The following FANCM variants were observed in gnomAD, a reference collection of about 807,000 sequenced individuals.
FANCM encodes Fanconi anemia group M protein.
FANCM carries 140 observed loss-of-function variants against 199.5 expected under a neutral mutation model. The ratio of observed to expected loss-of-function variants is 0.70; its 90% CI spans 0.61 to 0.81. The LOEUF (loss-of-function observed/expected upper bound fraction) is 0.81, where lower values mean the gene tolerates loss of function less well. Among genes scored for constraint, FANCM ranks in the 30% least tolerant of loss-of-function variants. The pLI, the probability that FANCM is intolerant of heterozygous loss-of-function variation, is 0.00. For missense variants in FANCM, 2,410 were observed against 2,421.4 expected (o/e 1.00, Z 0.10); for synonymous variants, 840 against 836.8 (o/e 1.00, Z -0.07).
intron 2 of FANCM, among the ~76,000 whole-genome samples, chr14:45,139,703 C>T (rs372644834): frequency 1.3e-5 from 2 of 152,142 alleles, no homozygotes; most frequent in Non-Finnish European, 2.9e-5. Flanking sequence ...GTGAGCTGGG[C>T]GCAGTGGCTT....
intron 10 of FANCM, among the ~76,000 whole-genome samples, chr14:45,166,377 T>TG (rs1887978368): frequency 6.6e-6 from 1 of 152,028 alleles, no homozygotes; most frequent in Admixed American, 6.6e-5. Context: ...GACCTCGTGA[T>TG]CTGCCCGCCT....
At chr14:45,179,521 G>A (rs1888925452) in intron 14 of FANCM, among the ~76,000 whole-genome samples, 1 of 150,324 alleles carries the variant, frequency 6.7e-6, no homozygotes, top group African/African-American at 2.4e-5. Context: ...GTCTTAGCTA[G>A]ATCACCTCTC....
At chr14:45,137,285 T>TTA (rs748275803) in intron 2 of FANCM, 44 bp downstream of exon 2, 1 of 1,552,740 alleles carries the variant, frequency 6.4e-7, no homozygotes, top group Non-Finnish European at 8.8e-7. Flanking sequence ...AACTGTACTG[T>TTA]TAAAGAGAAT....
Position 45,155,366 on chromosome 14 carries a change from G to C in FANCM, c.1310-7G>C, listed in dbSNP as rs2139173742. 2.5e-6 allele frequency: 3 copies of C among 1,204,698 alleles called. No individual in the cohort carries two copies. The highest frequency in any genetic ancestry group is 1.2e-5 in the South Asian group (1 of 81,228). The allele number at this position is 1,204,698 out of a possible 1,614,324, so 74.6% of individuals were successfully genotyped here. On this transcript the variant is annotated splice_polypyrimidine_tract_variant and splice_region_variant and intron_variant, in intron 7 of 22. Coordinates refer to ENST00000267430, the MANE Select transcript of FANCM (RefSeq NM_020937.4). ...AAAAAAATTTTGATATTTTTGTTTT[G>C]TTCCAGGAGATAAAAATAAAAAATT...
In FANCM at chr14:45,176,048, T is replaced by C; in HGVS notation, c.3294T>C (p.Asn1098=). ...AAAATGAAAATTTAGTACCTAACAA[T>C]CGTGTTCAAATACACAGAAGCCCTG... The part of the protein sequence containing the change: ...HNQNENLVPN[N]RVQIHRSPAQ... Residue 1098 remains asparagine, a synonymous_variant, in exon 14 of 23, where the codon AAT becomes AAC. Transcript: ENST00000267430. The C allele has an allele frequency of 6.2e-7, 1 of 1,614,048 alleles. No individual in the cohort carries two copies. Among genetic ancestry groups the C allele is most frequent in the Non-Finnish European group, 8.5e-7 (1 of 1,179,940 alleles).
chr14:45,146,998 T>C (rs191552336), intron 3 of FANCM, among the ~76,000 whole-genome samples: 1 of 152,166 alleles, frequency 6.6e-6, no homozygotes, highest in Non-Finnish European at 1.5e-5. Context: ...CAGTAAAATA[T>C]CAGCTACATG....
At chr14:45,149,804 TACAACA>T (rs147416320) in intron 4 of FANCM, among the ~76,000 whole-genome samples, 4 of 151,644 alleles carry the variant, frequency 2.6e-5, no homozygotes, top group East Asian at 1.9e-4. Context: ...TTTTGGTTCT[TACAACA>T]ACAACAACAA....
At chr14:45,147,988 G>C (rs1239805528) in intron 3 of FANCM, among the ~76,000 whole-genome samples, 2 of 151,902 alleles carry the variant, frequency 1.3e-5, no homozygotes, top group African/African-American at 4.8e-5. Context: ...ATGAGGTCAG[G>C]AGTTCGAGAC....
Position 45,146,072 on chromosome 14 carries a change from G to GA in FANCM, c.760-2755dup, listed in dbSNP as rs201857804. On this transcript the variant is annotated intron_variant, in intron 3 of 22. Coordinates refer to ENST00000267430, the MANE Select transcript of FANCM (RefSeq NM_020937.4). ...AGACTCCGTCTCAAAAAAAAAAAAA[G>GA]AAAAAAAAAATACAAAATATTAGCC... Among the ~76,000 whole-genome samples the GA allele has an allele frequency of 1.7e-3, 197 of 118,230 alleles. 1 individual carries two copies. The highest frequency in any genetic ancestry group is 5.7e-3 in the Middle Eastern group (1 of 176). The allele number at this position is 118,230 out of a possible 152,430, so 77.6% of individuals were successfully genotyped here.
Position 45,140,705 on chromosome 14 carries a change from T to C in FANCM, c.755T>C (p.Ile252Thr), listed in dbSNP as rs1885855162. The C allele has an allele frequency of 1.9e-6, 3 of 1,567,286 alleles. No individual in the cohort carries two copies. The highest frequency in any genetic ancestry group is 1.4e-5 in the African/African-American group (1 of 73,938). The change falls in exon 3 of 23, where the codon ATA (isoleucine) becomes ACA (threonine). Residue 252 changes from isoleucine to threonine, a missense_variant. Physicochemically the swap from Ile to Thr is moderately conservative, Grantham distance 89. Coordinates refer to ENST00000267430, the MANE Select transcript of FANCM (RefSeq NM_020937.4). ...CTAAGTGCCACACCAGGTAGTGATA[T>C]AAAGGTAAGTAAAATGTTTTTCCAT... ...LALSATPGSD[I>T]KAVQQVITNL...
intron 9 of FANCM, among the ~76,000 whole-genome samples, chr14:45,160,719 T>A (rs1393398843): frequency 6.6e-6 from 1 of 152,032 alleles, no homozygotes; most frequent in East Asian, 1.9e-4. Flanking sequence ...TTTTTTGTAT[T>A]TTTAATAGAG....
chr14:45,188,222 C>G (rs1889529914), intron 19 of FANCM, among the ~76,000 whole-genome samples: 1 of 152,122 alleles, frequency 6.6e-6, no homozygotes, highest in African/African-American at 2.4e-5. Flanking sequence ...GCCTGTAATC[C>G]CAGCTACTTG....
chr14:45,176,342 TG>T lies in FANCM; in HGVS notation c.3589del (p.Asp1197MetfsTer18). ...CTGAACTCCAAGATCAAATCACCCGTGATGCTAATAGTTTTAAATCTCGTGA... is the reference window on the plus strand; with the variant it reads ...CTGAACTCCAAGATCAAATCACCCGTATGCTAATAGTTTTAAATCTCGTGA... Reference protein sequence around the residue: ...NSELQDQITRDANSFKSRDQR... With the variant: ...NSELQDQITRXANSFKSRDQR... On this transcript the variant is annotated frameshift_variant, in exon 14 of 23. Coordinates refer to ENST00000267430, the MANE Select transcript of FANCM (RefSeq NM_020937.4). LOFTEE classifies it high-confidence loss of function. 1.9e-6 allele frequency: 3 copies of T among 1,613,762 alleles called. No homozygotes were observed. The highest frequency in any genetic ancestry group is 2.5e-6 in the Non-Finnish European group (3 of 1,179,948).
At chr14:45,149,782 G>T (rs1886688693) in intron 4 of FANCM, among the ~76,000 whole-genome samples, 1 of 151,936 alleles carries the variant, frequency 6.6e-6, no homozygotes, top group African/African-American at 2.4e-5. Flanking sequence ...ATTTGGCAAT[G>T]ACTTGACACA....
At chr14:45,197,698 C>T (rs1364299076) in intron 21 of FANCM, among the ~76,000 whole-genome samples, 11 of 151,658 alleles carry the variant, frequency 7.3e-5, no homozygotes, top group Non-Finnish European at 1.5e-4. Context: ...CTCTTGACCT[C>T]AGGTGATCTG....
rs767460107 is a variant in FANCM, at chr14:45,175,845, A to G, written c.3091A>G (p.Ser1031Gly). 6.2e-7 allele frequency: 1 copy of G among 1,614,040 alleles called. No homozygotes were observed. Among genetic ancestry groups the G allele is most frequent in the South Asian group, 1.1e-5 (1 of 91,084 alleles). Residue 1031 changes from serine (S) to glycine (G), a missense_variant, in exon 14 of 23, where the codon AGT (serine) becomes GGT (glycine). Physicochemically the swap from Ser to Gly is moderately conservative, Grantham distance 56. Coordinates refer to ENST00000267430, the MANE Select transcript of FANCM (RefSeq NM_020937.4). ...CTTACCCTGTGCAGAGCATTTACGA[A>G]GTGATAAATGCACCTGTTTGCTGTC... Reference protein sequence around the residue: ...LFLPCAEHLRSDKCTCLLSHS... With the variant: ...LFLPCAEHLRGDKCTCLLSHS...
chr14:45,164,483 G>A lies in FANCM; in HGVS notation c.1706G>A (p.Arg569His), dbSNP rs754308821. The A allele has an allele frequency of 2.0e-5, 32 of 1,613,680 alleles. No individual in the cohort carries two copies. The South Asian group carries it at 2.7e-4, about 14-fold the overall frequency. The change falls in exon 10 of 23, where the codon CGT (arginine) becomes CAT (histidine). Residue 569 changes from arginine to histidine, a missense_variant. Transcript: ENST00000267430. The stretch of plus-strand genomic sequence containing the variant: ...TTTGATTCCCAGAAGAGCCCAATTC[G>A]TCTTGTACAACGAATGGGTAGAACT... ...ICFDSQKSPIRLVQRMGRTGR... is the reference protein window; with the variant it reads ...ICFDSQKSPIHLVQRMGRTGR...
At position 45,175,855 on chromosome 14, in the gene FANCM, G is replaced by A. The variant is rs2139246040; in HGVS notation, c.3101G>A (p.Cys1034Tyr). 6 of 1,613,854 alleles carry A rather than the reference G, an allele frequency of 3.7e-6. No individual in the cohort carries two copies. The highest frequency in any genetic ancestry group is 5.1e-6 in the Non-Finnish European group (6 of 1,179,922). ...PCAEHLRSDK[C>Y]TCLLSHSAVN... ...GCAGAGCATTTACGAAGTGATAAATGCACCTGTTTGCTGTCACATTCAGCT... is the reference window on the plus strand; with the variant it reads ...GCAGAGCATTTACGAAGTGATAAATACACCTGTTTGCTGTCACATTCAGCT... The change falls in exon 14 of 23, where the codon TGC (cysteine) becomes TAC (tyrosine). Residue 1034 changes from cysteine (C) to tyrosine (Y), a missense_variant. Physicochemically the swap from Cys to Tyr is radical, Grantham distance 194. Coordinates refer to ENST00000267430, the MANE Select transcript of FANCM (RefSeq NM_020937.4).
intron 14 of FANCM, among the ~76,000 whole-genome samples, chr14:45,180,584 C>T (rs1348257370): frequency 1.3e-5 from 2 of 152,044 alleles, no homozygotes; most frequent in African/African-American, 4.8e-5. Flanking sequence ...ACCACAGGCA[C>T]GTGCCACCAC....
Sources: gnomAD v4.1 joint callset for allele counts (sites outside exome capture counted in the v4.1 genomes callset) on GRCh38, gnomAD v4.1.1 for gene constraint, MANE v1.5 for transcripts, NCBI Gene and HGNC (gene_info 2026-07-23, HGNC 2026-07-21) for gene names.